Variants in SFMBT2 observed in about 807,000 individuals in gnomAD.
SFMBT2 encodes the protein scm-like with four MBT domains protein 2.
SFMBT2 carries 38 observed loss-of-function variants against 110.1 expected under a neutral mutation model. The ratio of observed to expected loss-of-function variants is 0.35; its 90% CI spans 0.27 to 0.45. SFMBT2 has a LOEUF of 0.45. Ranked by LOEUF, SFMBT2 falls within the 20% of genes least tolerant of loss-of-function variation. SFMBT2 has a pLI of 1.00. For missense variants in SFMBT2, 1,011 were observed against 1,094.9 expected (o/e 0.92, Z 1.08); for synonymous variants, 425 against 425.4 (o/e 1.00, Z 0.01).
At chr10:7,328,708 A>C (rs1843469846) in intron 4 of SFMBT2, among the ~76,000 whole-genome samples, 1 of 152,246 alleles carries the variant, frequency 6.6e-6, no homozygotes, top group African/African-American at 2.4e-5. Context: ...TGATAAAGTA[A>C]GTGCTGAAAT....
intron 4 of SFMBT2, among the ~76,000 whole-genome samples, chr10:7,357,557 T>C (rs1157568490): frequency 6.6e-6 from 1 of 152,208 alleles, no homozygotes; most frequent in Non-Finnish European, 1.5e-5. Flanking sequence ...CCCCATCAGA[T>C]TTTGGGCTCA....
intron 9 of SFMBT2, among the ~76,000 whole-genome samples, chr10:7,240,392 A>G (rs1369780967): frequency 6.6e-6 from 1 of 152,232 alleles, no homozygotes; most frequent in Admixed American, 6.5e-5. Flanking sequence ...AAGGATCTCC[A>G]AAGTCTATTT....
chr10:7,289,860 T>C (rs1413967490), intron 4 of SFMBT2, among the ~76,000 whole-genome samples: 1 of 152,210 alleles, frequency 6.6e-6, no homozygotes, highest in Non-Finnish European at 1.5e-5. Flanking sequence ...AAAAGTTGCC[T>C]TGCAAGTCCT....
intron 10 of SFMBT2, among the ~76,000 whole-genome samples, chr10:7,221,047 C>T (rs1588353158): frequency 6.6e-6 from 1 of 151,254 alleles, no homozygotes; most frequent in Non-Finnish European, 1.5e-5. Flanking sequence ...AGGATGGTCT[C>T]GATCTCCTGG....
At chr10:7,252,516 C>A (rs572118921) in intron 7 of SFMBT2, among the ~76,000 whole-genome samples, 1 of 152,174 alleles carries the variant, frequency 6.6e-6, no homozygotes, top group Non-Finnish European at 1.5e-5. Flanking sequence ...TGTGCTCGAA[C>A]GTCCATCATT....
intron 9 of SFMBT2, among the ~76,000 whole-genome samples, chr10:7,242,948 A>C (rs1362508040): frequency 6.6e-6 from 1 of 151,968 alleles, no homozygotes; most frequent in Non-Finnish European, 1.5e-5. Flanking sequence ...TCTTAGTCTC[A>C]CCTCTCATCT....
chr10:7,190,490 G>A (rs552414787), intron 15 of SFMBT2, among the ~76,000 whole-genome samples: 1 of 152,336 alleles, frequency 6.6e-6, no homozygotes, highest in South Asian at 2.1e-4. Context: ...ATTATGAAAA[G>A]CATCGGATAT....
At chr10:7,277,724 C>T (rs1841828330) in intron 6 of SFMBT2, among the ~76,000 whole-genome samples, 1 of 152,070 alleles carries the variant, frequency 6.6e-6, no homozygotes, top group Admixed American at 6.6e-5. Flanking sequence ...AGATTTAAGA[C>T]CTTATCAAAA....
chr10:7,329,694 G>A (rs1170490326), intron 4 of SFMBT2: 1 of 164,844 alleles, frequency 6.1e-6, no homozygotes, highest in African/African-American at 2.4e-5. Context: ...GGGACTGCTG[G>A]CCACAGCGCC....
At chr10:7,319,055 T>A (rs1349812919) in intron 4 of SFMBT2, among the ~76,000 whole-genome samples, 4 of 152,068 alleles carry the variant, frequency 2.6e-5, no homozygotes, top group Non-Finnish European at 5.9e-5. Context: ...GAAGACAAAG[T>A]CAGAGACACG....
At chr10:7,232,582 G>A (rs1039404637) in intron 9 of SFMBT2, among the ~76,000 whole-genome samples, 3 of 152,118 alleles carry the variant, frequency 2.0e-5, no homozygotes, top group African/African-American at 7.2e-5. Context: ...TGAAAAGACT[G>A]CTATAAACAT....
intron 3 of SFMBT2, 115 bp downstream of exon 3, chr10:7,370,166 C>T: frequency 1.1e-6 from 1 of 883,388 alleles, no homozygotes; most frequent in Non-Finnish European, 1.8e-6. Flanking sequence ...CATGCCTGGC[C>T]ACGAATTTCC....
intron 4 of SFMBT2, among the ~76,000 whole-genome samples, chr10:7,309,519 G>A (rs1271273407): frequency 1.3e-5 from 2 of 152,242 alleles, no homozygotes; most frequent in Non-Finnish European, 2.9e-5. Flanking sequence ...CAGGATAGAA[G>A]ATAGCTGGCA....
intron 1 of SFMBT2, among the ~76,000 whole-genome samples, chr10:7,390,403 TATTCCAC>T (rs1271117097): frequency 6.6e-6 from 1 of 152,206 alleles, no homozygotes; most frequent in African/African-American, 2.4e-5. Flanking sequence ...TTCCCCCTAA[TATTCCAC>T]AAATGATTCA....
intron 4 of SFMBT2, among the ~76,000 whole-genome samples, chr10:7,317,641 C>CAAAAAAAAAA (rs56181512): frequency 1.1e-5 from 1 of 92,832 alleles, no homozygotes; most frequent in Non-Finnish European, 2.0e-5. Flanking sequence ...AACTCCGTCT[C>CAAAAAAAAAA]AAAAAAAAAA....
At chr10:7,320,324 G>T (rs74116455) in intron 4 of SFMBT2, among the ~76,000 whole-genome samples, 6,394 of 152,240 alleles carry the variant, frequency 0.042, 223 homozygotes, top group African/African-American at 0.098. Flanking sequence ...CAATCATGTG[G>T]TAAGTGTTCT....
chr10:7,392,176 A>C (rs1365300707), intron 1 of SFMBT2, among the ~76,000 whole-genome samples: 1 of 152,220 alleles, frequency 6.6e-6, no homozygotes, highest in Non-Finnish European at 1.5e-5. Context: ...AGGGCAGGAG[A>C]AAACATCTAA....
At chr10:7,314,747 A>C (rs373048365) in intron 4 of SFMBT2, among the ~76,000 whole-genome samples, 7 of 151,984 alleles carry the variant, frequency 4.6e-5, no homozygotes, top group Admixed American at 4.6e-4. Context: ...GTATCTACTA[A>C]AAATACAAAA....
chr10:7,184,879 C>A (rs772972894), intron 16 of SFMBT2, among the ~76,000 whole-genome samples: 1 of 152,138 alleles, frequency 6.6e-6, no homozygotes, highest in Non-Finnish European at 1.5e-5. Flanking sequence ...GGAAGCTTTA[C>A]AAGCTGTGGG....
Sources: gnomAD v4.1 joint callset for allele counts (sites outside exome capture counted in the v4.1 genomes callset) on GRCh38, gnomAD v4.1.1 for gene constraint, MANE v1.5 for transcripts, NCBI Gene and HGNC (gene_info 2026-07-23, HGNC 2026-07-21) for gene names.